The following SOBP variants were observed in gnomAD, a reference collection of about 807,000 sequenced individuals.
SOBP encodes sine oculis-binding protein homolog.
SOBP carries 4 observed loss-of-function variants against 53.6 expected under a neutral mutation model. The ratio of observed to expected loss-of-function variants is 0.07; its 90% CI spans 0.04 to 0.17. SOBP has a LOEUF of 0.17. SOBP is among the 10% of genes least tolerant of loss of function. The probability of loss-of-function intolerance (pLI) is 1.00; values close to 1 mark genes in which losing one functional copy is unlikely to be tolerated. For missense variants in SOBP, 1,088 were observed against 1,204.7 expected (o/e 0.90, Z 1.43); for synonymous variants, 584 against 522.6 (o/e 1.12, Z -1.60).
At chr6:107,567,761 C>G (rs1784959189) in intron 4 of SOBP, among the ~76,000 whole-genome samples, 1 of 152,156 alleles carries the variant, frequency 6.6e-6, no homozygotes, top group Non-Finnish European at 1.5e-5. Flanking sequence ...ATTTCTTGAT[C>G]CAATAAGGAC....
chr6:107,533,102 G>C (rs564277458), intron 3 of SOBP, among the ~76,000 whole-genome samples: 1 of 151,144 alleles, frequency 6.6e-6, no homozygotes, highest in Non-Finnish European at 1.5e-5. Flanking sequence ...CAGGACCTTT[G>C]AAGAAATGGG....
intron 4 of SOBP, among the ~76,000 whole-genome samples, chr6:107,554,519 T>G (rs1338697407): frequency 6.6e-6 from 1 of 152,212 alleles, no homozygotes; most frequent in Admixed American, 6.5e-5. Context: ...GCCCATTAAG[T>G]GTTCATCTCT....
At position 107,633,843 on chromosome 6, in the gene SOBP, T is replaced by C. The variant is rs1341876306; in HGVS notation, c.999T>C (p.Ser333=). Residue 333 remains serine (S), a synonymous_variant, in exon 6 of 7, where the codon TCT becomes TCC. Transcript: ENST00000317357. Reference sequence around the variant, plus strand: ...GCCCGTCGGCGTCCACCACCGTCTCTCCATCTGACACTGCCAACTGCTCTG... The same window carrying C: ...GCCCGTCGGCGTCCACCACCGTCTCCCCATCTGACACTGCCAACTGCTCTG... ...GPGPSASTTV[S]PSDTANCSVT... is the part of the protein sequence containing the mutation. The C allele has an allele frequency of 6.2e-7, 1 of 1,613,864 alleles. No homozygotes were observed. Among genetic ancestry groups the C allele is most frequent in the Non-Finnish European group, 8.5e-7 (1 of 1,179,966 alleles).
chr6:107,604,513 C>T (rs888193749), intron 5 of SOBP, among the ~76,000 whole-genome samples: 2 of 151,740 alleles, frequency 1.3e-5, no homozygotes, highest in Non-Finnish European at 1.5e-5. Flanking sequence ...CTGCCCCCAC[C>T]CCCTAATCCC....
chr6:107,558,466 C>A (rs531861759), intron 4 of SOBP, among the ~76,000 whole-genome samples: 1 of 151,992 alleles, frequency 6.6e-6, no homozygotes, highest in African/African-American at 2.4e-5. Context: ...ACGGGGGTTT[C>A]ACCATGTTGG....
chr6:107,506,192 A>G, intron 2 of SOBP, 50 bp from the exon 3 acceptor site: 1 of 1,517,236 alleles, frequency 6.6e-7, no homozygotes, highest in South Asian at 1.1e-5. Context: ...ATTTAAGTCT[A>G]CTGCATTACA....
intron 4 of SOBP, among the ~76,000 whole-genome samples, chr6:107,564,609 G>A (rs1427270847): frequency 1.8e-5 from 2 of 112,262 alleles, no homozygotes; most frequent in Non-Finnish European, 1.9e-5. Context: ...ATTTGTGCTT[G>A]TTTCCCTTAC....
intron 4 of SOBP, among the ~76,000 whole-genome samples, chr6:107,564,422 A>G (rs1457315121): frequency 1.3e-5 from 2 of 152,222 alleles, no homozygotes; most frequent in African/African-American, 2.4e-5. Context: ...GGGCTGGATA[A>G]TTTTATGACC....
At chr6:107,532,289 C>T (rs978421693) in intron 3 of SOBP, among the ~76,000 whole-genome samples, 3 of 151,542 alleles carry the variant, frequency 2.0e-5, no homozygotes, top group African/African-American at 7.3e-5. Context: ...CACACACACA[C>T]AGTCACTATC....
chr6:107,618,764 C>T (rs552418533), intron 5 of SOBP, among the ~76,000 whole-genome samples: 1 of 152,200 alleles, frequency 6.6e-6, no homozygotes, highest in Non-Finnish European at 1.5e-5. Context: ...GAAAATGCAG[C>T]TGTGTGACCT....
intron 4 of SOBP, among the ~76,000 whole-genome samples, chr6:107,569,702 T>C (rs565668738): frequency 6.6e-6 from 1 of 152,322 alleles, no homozygotes; most frequent in East Asian, 1.9e-4. Flanking sequence ...CAGTATGCAT[T>C]CAACTGATGC....
intron 4 of SOBP, among the ~76,000 whole-genome samples, chr6:107,564,868 A>G (rs1784872606): frequency 1.3e-5 from 2 of 152,262 alleles, no homozygotes; most frequent in African/African-American, 2.4e-5. Flanking sequence ...TAGGAAACCC[A>G]TAAACTGGTT....
Position 107,635,273 on chromosome 6 carries a change from C to G in SOBP, c.2429C>G (p.Ala810Gly). The change falls in exon 6 of 7, where the codon GCG becomes GGG. Residue 810 changes from alanine (A) to glycine (G), a missense_variant. By Grantham distance (60) the Ala-to-Gly change is moderately conservative (BLOSUM62 0). This residue lies in a region of SOBP where 665 missense variants were observed against 629.7 expected (regional missense o/e 1.06). Coordinates refer to ENST00000317357, the MANE Select transcript of SOBP (RefSeq NM_018013.4). This position sits in a 1 kb window ranked among gnomAD's most constrained non-coding sequence, Gnocchi z 4.5. ...TCAGACCCGAACCTTAATAACCCCG[C>G]GGACGAGGACCATGCCTATGCTCTG... ...DKSDPNLNNP[A>G]DEDHAYALRM... The G allele has an allele frequency of 6.2e-7, 1 of 1,613,882 alleles. No homozygotes were observed. Among genetic ancestry groups the G allele is most frequent in the Non-Finnish European group, 8.5e-7 (1 of 1,179,994 alleles).
chr6:107,495,835 C>G (rs1289252508), intron 1 of SOBP, among the ~76,000 whole-genome samples: 2 of 151,948 alleles, frequency 1.3e-5, no homozygotes, highest in Non-Finnish European at 2.9e-5. Context: ...TTATACTTAA[C>G]AAAATTATTA....
intron 6 of SOBP, among the ~76,000 whole-genome samples, chr6:107,646,572 C>G (rs867979564): frequency 6.6e-6 from 1 of 152,198 alleles, no homozygotes; most frequent in African/African-American, 2.4e-5. Context: ...GTCCTTAGAC[C>G]GAAGGGCAGC....
At chr6:107,551,111 C>T (rs189876353) in intron 4 of SOBP, among the ~76,000 whole-genome samples, 68 of 152,324 alleles carry the variant, frequency 4.5e-4, no homozygotes, top group Middle Eastern at 3.4e-3. Context: ...CCAACATCCT[C>T]CTCCTACGGC....
At chr6:107,567,287 A>G (rs1784946050) in intron 4 of SOBP, among the ~76,000 whole-genome samples, 1 of 152,258 alleles carries the variant, frequency 6.6e-6, no homozygotes, top group Non-Finnish European at 1.5e-5. Context: ...AAAGATGGAC[A>G]TATCTTTAAA....
chr6:107,646,573 G>A (rs1172849912), intron 6 of SOBP, among the ~76,000 whole-genome samples: 4 of 152,244 alleles, frequency 2.6e-5, no homozygotes, highest in African/African-American at 4.8e-5. Context: ...TCCTTAGACC[G>A]AAGGGCAGCA....
chr6:107,565,541 C>T (rs1392085544), intron 4 of SOBP, among the ~76,000 whole-genome samples: 5 of 151,898 alleles, frequency 3.3e-5, no homozygotes, highest in East Asian at 3.9e-4. Context: ...AAGAGAGAGA[C>T]GTAAAGCTGA....
Sources: gnomAD v4.1 joint callset for allele counts (sites outside exome capture counted in the v4.1 genomes callset) on GRCh38, gnomAD v4.1.1 for gene constraint, gnomAD v4.1.1 regional missense constraint, Gnocchi (gnomAD v3.1) non-coding constraint, MANE v1.5 for transcripts, NCBI Gene and HGNC (gene_info 2026-07-23, HGNC 2026-07-21) for gene names.